The following PALM2AKAP2 variants were observed in gnomAD, a reference collection of about 807,000 sequenced individuals.
PALM2AKAP2 encodes PALM2 and AKAP2 fusion.
A neutral mutation model predicts 71.5 loss-of-function variants in PALM2AKAP2; 37 were observed. The ratio of observed to expected loss-of-function variants is 0.52; its 90% CI spans 0.40 to 0.68. The LOEUF is 0.68. PALM2AKAP2 is among the 30% of genes least tolerant of loss of function. The pLI, the probability that PALM2AKAP2 is intolerant of heterozygous loss-of-function variation, is 0.00. For missense variants in PALM2AKAP2, 1,224 were observed against 1,191.8 expected (o/e 1.03, Z -0.40); for synonymous variants, 468 against 478.8 (o/e 0.98, Z 0.29).
At chr9:109,681,240 C>T (rs1362631867) in intron 1 of PALM2AKAP2, among the ~76,000 whole-genome samples, 3 of 152,200 alleles carry the variant, frequency 2.0e-5, no homozygotes, top group African/African-American at 7.2e-5. Context: ...GCCCACACAT[C>T]ATTTGTACAG....
chr9:109,806,242 A>C (rs73655509), intron 1 of PALM2AKAP2, among the ~76,000 whole-genome samples: 2,243 of 152,364 alleles, frequency 0.015, 44 homozygotes, highest in African/African-American at 0.051. Context: ...TATTTACAAA[A>C]GTGGTCTTTC....
chr9:109,709,687 G>A (rs1388633167), intron 1 of PALM2AKAP2, among the ~76,000 whole-genome samples: 1 of 152,098 alleles, frequency 6.6e-6, no homozygotes, highest in Non-Finnish European at 1.5e-5. Flanking sequence ...AGAAAGAATG[G>A]GTCAGAAGCC....
chr9:109,986,354 T>C (rs1832379180), intron 6 of PALM2AKAP2, among the ~76,000 whole-genome samples: 1 of 152,236 alleles, frequency 6.6e-6, no homozygotes, highest in Admixed American at 6.5e-5. Context: ...GTCAATACTA[T>C]GAGTAACAAA....
intron 2 of PALM2AKAP2, among the ~76,000 whole-genome samples, chr9:110,140,479 T>A (rs1836000726): frequency 6.6e-6 from 1 of 152,204 alleles, no homozygotes; most frequent in Non-Finnish European, 1.5e-5. Flanking sequence ...TATTGCATTG[T>A]CACTAGCCCC....
At chr9:109,963,770 A>C (rs1311300109) in intron 6 of PALM2AKAP2, among the ~76,000 whole-genome samples, 1 of 152,292 alleles carries the variant, frequency 6.6e-6, no homozygotes, top group South Asian at 2.1e-4. Context: ...CAGAACTCAC[A>C]TGGGCCTCTT....
intron 1 of PALM2AKAP2, among the ~76,000 whole-genome samples, chr9:109,808,373 A>T (rs1827636335): frequency 6.6e-6 from 1 of 152,214 alleles, no homozygotes; most frequent in Admixed American, 6.5e-5. Flanking sequence ...TTTAGCAAAG[A>T]GACTGGTGGC....
At chr9:110,037,760 A>G (rs570872318) in intron 7 of PALM2AKAP2, among the ~76,000 whole-genome samples, 6 of 152,366 alleles carry the variant, frequency 3.9e-5, no homozygotes, top group Admixed American at 6.5e-5. Flanking sequence ...AGGCAAGACT[A>G]TAGGAGGAGC....
chr9:110,070,255 G>A (rs1834174628), intron 1 of PALM2AKAP2, among the ~76,000 whole-genome samples: 1 of 152,216 alleles, frequency 6.6e-6, no homozygotes, highest in Admixed American at 6.5e-5. Flanking sequence ...TACGGGAATG[G>A]TTCAAGGTCA....
chr9:110,167,585 G>T (rs931855578), intron 3 of PALM2AKAP2, among the ~76,000 whole-genome samples: 2 of 152,208 alleles, frequency 1.3e-5, no homozygotes, highest in Non-Finnish European at 2.9e-5. Context: ...GTGGTGGTGA[G>T]CCTACTTGTC....
intron 1 of PALM2AKAP2, among the ~76,000 whole-genome samples, chr9:109,782,677 C>T (rs1435271793): frequency 2.0e-5 from 3 of 151,872 alleles, no homozygotes; most frequent in Non-Finnish European, 2.9e-5. Context: ...GAAACCAATT[C>T]TCTGAGGATA....
intron 2 of PALM2AKAP2, among the ~76,000 whole-genome samples, chr9:109,874,304 T>C (rs1829671332): frequency 6.6e-6 from 1 of 152,182 alleles, no homozygotes. Context: ...CACCTGATGA[T>C]TTTGTAAATC....
upstream of PALM2AKAP2, among the ~76,000 whole-genome samples, chr9:109,776,298 G>T (rs1251248133): frequency 2.0e-5 from 3 of 152,196 alleles, no homozygotes; most frequent in Admixed American, 6.5e-5. Flanking sequence ...TTTTCCCTCT[G>T]CTCCTTGGCC....
At chr9:109,651,769 G>T (rs1827228190) in intron 1 of PALM2AKAP2, among the ~76,000 whole-genome samples, 1 of 152,128 alleles carries the variant, frequency 6.6e-6, no homozygotes, top group Admixed American at 6.5e-5. Context: ...ACTGAAAGAT[G>T]TCATTTTCTT....
At chr9:109,841,906 ATAGAGGGGAGGGTGGAAGGG>A (rs1192343046) in intron 1 of PALM2AKAP2, among the ~76,000 whole-genome samples, 4 of 107,076 alleles carry the variant, frequency 3.7e-5, no homozygotes, top group Admixed American at 2.0e-4. Flanking sequence ...AGTTGGAAGG[ATAGAGGGGAGGGTGGAAGGG>A]TAGAGGGGAG....
At chr9:109,941,145 CTTTTTTTTTTTTTTT>C (rs34635858) in intron 6 of PALM2AKAP2, among the ~76,000 whole-genome samples, 1 of 106,282 alleles carries the variant, frequency 9.4e-6, no homozygotes, top group African/African-American at 3.7e-5. Flanking sequence ...TCTTCCTCTT[CTTTTTTTTTTTTTTT>C]TTTTTTTTTA....
At chr9:109,786,775 CTGAGAAATAGAGCAGTTATCA>C (rs778199397) in intron 1 of PALM2AKAP2, among the ~76,000 whole-genome samples, 1 of 151,730 alleles carries the variant, frequency 6.6e-6, no homozygotes. Flanking sequence ...TTAAAATGCT[CTGAGAAATAGAGCAGTTATCA>C]TGGAAAAAAA....
intron 6 of PALM2AKAP2, among the ~76,000 whole-genome samples, chr9:109,936,861 A>T (rs1486895575): frequency 2.0e-5 from 3 of 152,184 alleles, no homozygotes; most frequent in African/African-American, 7.2e-5. Flanking sequence ...CTTATATTTT[A>T]GATGTGGGCT....
intron 1 of PALM2AKAP2, among the ~76,000 whole-genome samples, chr9:110,063,564 C>G (rs1379949486): frequency 6.6e-6 from 1 of 152,012 alleles, no homozygotes; most frequent in African/African-American, 2.4e-5. Context: ...CTCAGCCTCC[C>G]AAGTAGCTGG....
chr9:109,746,753 T>C (rs1033865639), intron 1 of PALM2AKAP2, among the ~76,000 whole-genome samples: 2 of 152,144 alleles, frequency 1.3e-5, no homozygotes, highest in African/African-American at 2.4e-5. Context: ...ATAGTCCTAT[T>C]TTATCTTCAT....
Sources: allele counts gnomAD v4.1 joint callset (sites outside exome capture counted in the v4.1 genomes callset), GRCh38; gene constraint gnomAD v4.1.1; transcripts MANE v1.5; gene names NCBI Gene and HGNC (gene_info 2026-07-23, HGNC 2026-07-21).